Variants in GLB1 observed in about 807,000 individuals in gnomAD.
The protein encoded by GLB1 is beta-galactosidase.
A neutral mutation model predicts 74.0 loss-of-function variants in GLB1; 56 were observed. The observed-to-expected ratio is 0.76, with a 90% CI of 0.61 to 0.94. GLB1 has a LOEUF of 0.94. GLB1 is among the 40% of genes least tolerant of loss of function. The pLI is 0.00. For synonymous variants in GLB1, 323 were observed against 323.6 expected, an observed-to-expected ratio of 1.00 and a Z score of 0.02; for missense variants, 787 against 845.5, an observed-to-expected ratio of 0.93 and a Z score of 0.86.
chr3:32,983,960 C>T, the GLB1 span, among the ~76,000 whole-genome samples: 3 of 152,196 alleles, frequency 2.0e-5, no homozygotes, highest in South Asian at 4.1e-4. Context: ...GCTGGGATTA[C>T]AGGCCTGAGC....
At chr3:32,970,989 C>A in the GLB1 span, among the ~76,000 whole-genome samples, 13,550 of 152,166 alleles carry the variant, frequency 0.089, 1,062 homozygotes, top group East Asian at 0.32. Context: ...ATGTTCATAA[C>A]CATAAAAAAC....
intron 10 of GLB1, among the ~76,000 whole-genome samples, chr3:33,036,029 G>A (rs1021724723): frequency 6.6e-6 from 1 of 152,144 alleles, no homozygotes; most frequent in African/African-American, 2.4e-5. Flanking sequence ...TGAGAAGAAG[G>A]AATGACAAAG....
chr3:32,991,556 T>A, the GLB1 span, among the ~76,000 whole-genome samples: 1 of 152,216 alleles, frequency 6.6e-6, no homozygotes, highest in Admixed American at 6.5e-5. Context: ...AGTGGACTGA[T>A]GCTATGTGAC....
intron 10 of GLB1, among the ~76,000 whole-genome samples, chr3:33,026,538 T>A (rs1292879018): frequency 6.6e-6 from 1 of 152,038 alleles, no homozygotes; most frequent in Admixed American, 6.5e-5. Context: ...ACCTTCAAGC[T>A]GGGGAGGGCC....
At chr3:33,072,834 A>T in intron 1 of GLB1, 121 bp from the exon 2 acceptor site, 1 of 1,471,582 alleles carries the variant, frequency 6.8e-7, no homozygotes, top group Non-Finnish European at 9.2e-7. Flanking sequence ...GATGGACTTA[A>T]TGCTTGTTTT....
chr3:33,011,518 G>T (rs1697024626), intron 15 of GLB1, among the ~76,000 whole-genome samples: 1 of 150,162 alleles, frequency 6.7e-6, no homozygotes, highest in African/African-American at 2.4e-5. Flanking sequence ...GGTGGTGTGT[G>T]CCTGTAGTCC....
At position 33,051,866 on chromosome 3, in the gene GLB1, A is replaced by G. The variant is rs1295789452; in HGVS notation, c.914+17T>C. On this transcript the variant is annotated intron_variant, in intron 8 of 15. Transcript: ENST00000307363. ...TGGCTACTGAGGGCACCCTCCCCTC[A>G]GGCAATGAACACTCACAAGTTCACA... 5 of 1,614,232 alleles carry G rather than the reference A, an allele frequency of 3.1e-6. No individual in the cohort carries two copies. Among genetic ancestry groups the G allele is most frequent in the Non-Finnish European group, 4.2e-6 (5 of 1,180,040 alleles).
chr3:33,067,524 C>T (rs550703681), intron 4 of GLB1, among the ~76,000 whole-genome samples: 1 of 151,374 alleles, frequency 6.6e-6, no homozygotes, highest in East Asian at 2.0e-4. Context: ...CAAGCAATCC[C>T]TCCACTTTGG....
At chr3:33,060,244 A>C (rs546951718) in intron 5 of GLB1, among the ~76,000 whole-genome samples, 1 of 152,340 alleles carries the variant, frequency 6.6e-6, no homozygotes, top group East Asian at 1.9e-4. Flanking sequence ...TCAAGAAGTA[A>C]AACAGACTGT....
At position 33,068,246 on chromosome 3, in the gene GLB1, G is replaced by A; in HGVS notation, c.441C>T (p.Leu147=). The A allele has an allele frequency of 6.2e-7, 1 of 1,614,008 alleles. No individual in the cohort carries two copies. The highest frequency in any genetic ancestry group is 8.5e-7 in the Non-Finnish European group (1 of 1,179,950). Residue 147 remains leucine (L), a synonymous_variant, in exon 4 of 16, where the codon CTC becomes CTT. Transcript: ENST00000307363. ...AWLLEKESIL[L]RSSDPDYLAA... ...ACAACCTACCTGGGTCGGAGGAGCG[G>A]AGAAGAATAGACTCTTTCTCTAGCA...
chr3:33,009,956 T>C (rs533860934), intron 15 of GLB1, among the ~76,000 whole-genome samples: 1 of 152,388 alleles, frequency 6.6e-6, no homozygotes, highest in Non-Finnish European at 1.5e-5. Context: ...CATTCCTTTT[T>C]ATTGAGGAAT....
At chr3:33,029,141 T>C (rs538224416) in intron 10 of GLB1, among the ~76,000 whole-genome samples, 22 of 152,364 alleles carry the variant, frequency 1.4e-4, no homozygotes, top group African/African-American at 5.1e-4. Context: ...AAAATCCTCA[T>C]CTTTACCTTA....
chr3:32,990,332 C>T, the GLB1 span, among the ~76,000 whole-genome samples: 1 of 152,354 alleles, frequency 6.6e-6, no homozygotes, highest in Non-Finnish European at 1.5e-5. Context: ...ATTCAGCATG[C>T]TCACAGCACT....
At chr3:32,980,319 T>C in the GLB1 span, among the ~76,000 whole-genome samples, 2 of 152,248 alleles carry the variant, frequency 1.3e-5, no homozygotes, top group Non-Finnish European at 2.9e-5. Context: ...CCTGAGTAGC[T>C]GGAATTACAG....
In GLB1 at chr3:33,093,987, T is replaced by C; in HGVS notation, c.75+3024A>G. ...CTCTGCAGCTGGGGAGTGGCAGAGG[T>C]TGCTCACTGTGCTGCGCCAAATGTA... On this transcript the variant is annotated intron_variant, in intron 1 of 15. Coordinates refer to ENST00000307363, the MANE Select transcript of GLB1 (RefSeq NM_000404.4). This position sits in a 1 kb window ranked among gnomAD's most constrained non-coding sequence, Gnocchi z 6.0. The C allele has an allele frequency of 7.4e-6, 12 of 1,614,028 alleles. No individual in the cohort carries two copies. Among genetic ancestry groups the C allele is most frequent in the South Asian group, 2.2e-5 (2 of 91,066 alleles).
At chr3:32,988,797 T>C in the GLB1 span, among the ~76,000 whole-genome samples, 3 of 152,080 alleles carry the variant, frequency 2.0e-5, no homozygotes, top group African/African-American at 7.2e-5. Flanking sequence ...AAGCTTTTAA[T>C]AGAAAGCTAG....
intron 11 of GLB1, among the ~76,000 whole-genome samples, chr3:33,022,962 G>A (rs1387278029): frequency 6.6e-6 from 1 of 152,016 alleles, no homozygotes; most frequent in Non-Finnish European, 1.5e-5. Context: ...TACTCATATG[G>A]GTGTTTTCCC....
At chr3:33,049,099 T>C (rs1698866220) in intron 9 of GLB1, among the ~76,000 whole-genome samples, 1 of 152,204 alleles carries the variant, frequency 6.6e-6, no homozygotes, top group Non-Finnish European at 1.5e-5. Context: ...AAAAATTGTG[T>C]CATGAACCAT....
chr3:32,982,475 AAAAACAAAAAC>A, the GLB1 span, among the ~76,000 whole-genome samples: 11,081 of 123,996 alleles, frequency 0.089, 931 homozygotes, highest in East Asian at 0.44. Flanking sequence ...TTACCAAAAC[AAAAACAAAAAC>A]AAAACAAAAA....
Sources: allele counts gnomAD v4.1 joint callset (sites outside exome capture counted in the v4.1 genomes callset), GRCh38; gene constraint gnomAD v4.1.1; non-coding constraint Gnocchi (gnomAD v3.1); transcripts MANE v1.5; gene names NCBI Gene and HGNC (gene_info 2026-07-23, HGNC 2026-07-21).